Variants in SLC12A1 observed in about 807,000 individuals in gnomAD.
SLC12A1 encodes Na-K-2Cl cotransporter.
SLC12A1 carries 89 observed loss-of-function variants against 130.4 expected under a neutral mutation model. The observed-to-expected ratio is 0.68, with a 90% CI of 0.58 to 0.81. The LOEUF is 0.81. Among genes scored for constraint, SLC12A1 ranks in the 40% least tolerant of loss-of-function variants. The probability of loss-of-function intolerance (pLI) is 0.00; values close to 1 mark genes in which losing one functional copy is unlikely to be tolerated. For missense variants in SLC12A1, 1,310 were observed against 1,336.4 expected (o/e 0.98, Z 0.31); for synonymous variants, 499 against 460.0 (o/e 1.08, Z -1.09).
chr15:48,289,884 C>T (rs1053642969), intron 23 of SLC12A1, among the ~76,000 whole-genome samples: 2 of 152,160 alleles, frequency 1.3e-5, no homozygotes, highest in Non-Finnish European at 2.9e-5. Flanking sequence ...TTTATCAACA[C>T]TGTATACTTG....
At chr15:48,236,979 C>A in intron 9 of SLC12A1, 1 of 700,778 alleles carries the variant, frequency 1.4e-6, no homozygotes, top group Admixed American at 2.0e-5. Context: ...AGTGCCTGTT[C>A]ACACCAGGCA....
chr15:48,267,723 G>A (rs1439703649), intron 18 of SLC12A1, 22 bp downstream of exon 18: 3 of 1,611,764 alleles, frequency 1.9e-6, no homozygotes, highest in Non-Finnish European at 2.5e-6. Flanking sequence ...TTGAGGGAAT[G>A]AGCACAGAGG....
At chr15:48,232,970 C>T in intron 8 of SLC12A1, 132 bp downstream of exon 8, 1 of 642,028 alleles carries the variant, frequency 1.6e-6, no homozygotes, top group East Asian at 2.6e-5. Flanking sequence ...ATGCGGAAGC[C>T]CAAAAGAAAT....
intron 24 of SLC12A1, among the ~76,000 whole-genome samples, chr15:48,295,052 C>T (rs2042162831): frequency 6.6e-6 from 1 of 151,242 alleles, no homozygotes; most frequent in African/African-American, 2.4e-5. Flanking sequence ...GCTGGGTCTA[C>T]AGGCATGAGC....
chr15:48,221,387 T>C (rs1330633158), intron 4 of SLC12A1: 2 of 701,502 alleles, frequency 2.9e-6, no homozygotes, highest in South Asian at 3.0e-5. Flanking sequence ...CAAAAATAAC[T>C]TGTGAGAAAA....
chr15:48,225,998 G>A (rs1388819231), intron 4 of SLC12A1: 1 of 522,290 alleles, frequency 1.9e-6, no homozygotes, highest in Non-Finnish European at 2.5e-6. Flanking sequence ...AGGCAACACA[G>A]GCTCTAACAG....
intron 24 of SLC12A1, among the ~76,000 whole-genome samples, chr15:48,297,766 T>C (rs79936965): frequency 0.05 from 7,614 of 152,204 alleles, 207 homozygotes; most frequent in African/African-American, 0.067. Flanking sequence ...CTAGCAGCCA[T>C]TGTTACTCCC....
rs572964652 is a variant in SLC12A1, at chr15:48,239,313, C to G, written c.1216-2202C>G. 3.5e-3 allele frequency among the ~76,000 whole-genome samples: 536 copies of G among 152,016 alleles called. 2 individuals are homozygous for G. Among genetic ancestry groups the G allele is most frequent in the African/African-American group, 0.012 (517 of 41,460 alleles). On this transcript the variant is annotated intron_variant, in intron 9 of 26. Coordinates refer to ENST00000380993, the MANE Select transcript of SLC12A1 (RefSeq NM_000338.3). ...ATTGCTTGAGCCCAGGAGTTTGAGA[C>G]CAGCCTGAGCAACATGGCAAAACCG...
intron 20 of SLC12A1, among the ~76,000 whole-genome samples, chr15:48,276,294 T>C (rs1329365221): frequency 1.3e-5 from 2 of 152,056 alleles, no homozygotes; most frequent in African/African-American, 4.8e-5. Flanking sequence ...AAAAGAGAAA[T>C]CTGAGCTGGA....
intron 19 of SLC12A1, among the ~76,000 whole-genome samples, chr15:48,271,147 G>A (rs951208232): frequency 6.6e-6 from 1 of 151,980 alleles, no homozygotes; most frequent in African/African-American, 2.4e-5. Context: ...GGGAGGTGAA[G>A]GTTGCAGTGA....
At chr15:48,282,360 C>G (rs552237136) in intron 20 of SLC12A1, among the ~76,000 whole-genome samples, 1 of 152,140 alleles carries the variant, frequency 6.6e-6, no homozygotes, top group Non-Finnish European at 1.5e-5. Context: ...TTGTTGGAAT[C>G]GCTCCCAGTT....
intron 19 of SLC12A1, among the ~76,000 whole-genome samples, chr15:48,273,113 A>AAAC (rs1555385473): frequency 6.6e-6 from 1 of 151,514 alleles, no homozygotes; most frequent in African/African-American, 2.4e-5. Flanking sequence ...AAAAAAAAAA[A>AAAC]AAAAAAACCT....
In SLC12A1 at chr15:48,254,592, T is replaced by TAAAAAAAAAAAAAAAAAAA. The variant is rs550686114; in HGVS notation, c.1943-1199_1943-1181dup. ...AAGATCCATTTAATACTTAAATTCG[T>TAAAAAAAAAAAAAAAAAAA]AAAAAAAAAAAAAAAAAAAAAAAAA... is the stretch of plus-strand genomic sequence containing the variant. On this transcript the variant is annotated intron_variant, in intron 15 of 26. Transcript: ENST00000380993. 1.5e-4 allele frequency among the ~76,000 whole-genome samples: 8 copies of TAAAAAAAAAAAAAAAAAAA among 52,890 alleles called. 1 individual carries two copies. Among genetic ancestry groups the TAAAAAAAAAAAAAAAAAAA allele is most frequent in the Non-Finnish European group, 3.0e-4 (7 of 23,404 alleles). 34.7% of individuals were successfully genotyped at this position (52,890 alleles called of 152,430 possible).
chr15:48,297,391 A>T (rs1344855550), intron 24 of SLC12A1, among the ~76,000 whole-genome samples: 1 of 152,118 alleles, frequency 6.6e-6, no homozygotes, highest in African/African-American at 2.4e-5. Context: ...CTGGCCAATT[A>T]CTCTGGAAGA....
Position 48,232,719 on chromosome 15 carries a change from C to T in SLC12A1, c.976-8C>T, listed in dbSNP as rs948853014. The T allele has an allele frequency of 1.3e-6, 2 of 1,553,006 alleles. No homozygotes were observed. Among genetic ancestry groups the T allele is most frequent in the African/African-American group, 1.4e-5 (1 of 73,846 alleles). ...CTGATTTGGTTTCCTTTTACCTTTC[C>T]ATTCCAGGCCCAAGTCATTCTTCTG... On this transcript the variant is annotated splice_region_variant and splice_polypyrimidine_tract_variant and intron_variant, in intron 7 of 26. Transcript: ENST00000380993.
intron 5 of SLC12A1, chr15:48,227,205 G>T (rs1217490343): frequency 7.5e-7 from 1 of 1,340,358 alleles, no homozygotes; most frequent in Non-Finnish European, 1.0e-6. Flanking sequence ...ATGACTAGAG[G>T]CTTGGTTACT....
intron 15 of SLC12A1, 34 bp from the exon 16 acceptor site, chr15:48,255,777 T>C: frequency 7.6e-7 from 1 of 1,313,302 alleles, no homozygotes; most frequent in Non-Finnish European, 1.1e-6. Flanking sequence ...GAAAGGTCAG[T>C]GTTTTTTATG....
chr15:48,288,554 A>G (rs1566857542), intron 23 of SLC12A1, 38 bp downstream of exon 23: 1 of 966,838 alleles, frequency 1.0e-6, no homozygotes, highest in Admixed American at 2.0e-5. Flanking sequence ...GTCATTTCAG[A>G]GGTTTGTTGC....
At chr15:48,234,707 CG>C (rs2041419585) in intron 8 of SLC12A1, among the ~76,000 whole-genome samples, 169 bp from the exon 9 acceptor site, 1 of 151,474 alleles carries the variant, frequency 6.6e-6, no homozygotes, top group Non-Finnish European at 1.5e-5. Context: ...GAGCTGAGAT[CG>C]TGCCATTGCA....
Sources: gnomAD v4.1 joint callset for allele counts (sites outside exome capture counted in the v4.1 genomes callset) on GRCh38, gnomAD v4.1.1 for gene constraint, MANE v1.5 for transcripts, NCBI Gene and HGNC (gene_info 2026-07-23, HGNC 2026-07-21) for gene names.